MTO1: variants seen among roughly 807,000 people sequenced by gnomAD.
The protein encoded by MTO1 is 5-taurinomethyluridine-[tRNA] synthase subunit MTO1, mitochondrial.
MTO1 carries 46 observed loss-of-function variants against 71.6 expected under a neutral mutation model. That is an observed-to-expected ratio of 0.64 (90% CI 0.51 to 0.82). The LOEUF is 0.82. Ranked by LOEUF, MTO1 falls within the 40% of genes least tolerant of loss-of-function variation. MTO1 has a pLI of 0.00. For synonymous variants in MTO1, 297 were observed against 312.1 expected (o/e 0.95, Z 0.51); for missense variants, 773 against 867.5 (o/e 0.89, Z 1.37).
intron 3 of MTO1, among the ~76,000 whole-genome samples, chr6:73,467,463 A>C (rs1361471011): frequency 2.0e-5 from 3 of 151,958 alleles, no homozygotes; most frequent in Non-Finnish European, 4.4e-5. Flanking sequence ...AAAATACAAA[A>C]TTAGCCAGGT....
At position 73,476,572 on chromosome 6, in the gene MTO1, G is replaced by A. The variant is rs114271332; in HGVS notation, c.825+2918G>A. On this transcript the variant is annotated intron_variant, in intron 4 of 11. Coordinates refer to ENST00000498286, the MANE Select transcript of MTO1 (RefSeq NM_012123.4). ...CTGTTAATATTTTACCATATTTATC[G>A]CTATAGATATATCAATTTATGTCCA... 8.2e-3 allele frequency among the ~76,000 whole-genome samples: 1,248 copies of A among 151,820 alleles called. 21 individuals are homozygous for A. Among genetic ancestry groups the A allele is most frequent in the African/African-American group, 0.028 (1,176 of 41,394 alleles).
At chr6:73,471,938 T>G (rs1454835000) in intron 3 of MTO1, 1 of 152,358 alleles carries the variant, frequency 6.6e-6, no homozygotes, top group Non-Finnish European at 1.5e-5. Context: ...ATTAAAATTC[T>G]GTACCCATTA....
At chr6:73,473,676 T>A (rs1279127269) in intron 4 of MTO1, 22 bp downstream of exon 4, 1 of 1,573,926 alleles carries the variant, frequency 6.4e-7, no homozygotes, top group African/African-American at 1.4e-5. Context: ...TACGAAAACC[T>A]GGCTTACAGC....
rs545700363 is a variant in MTO1, at chr6:73,468,901, C to A, written c.535+2295C>A. On this transcript the variant is annotated intron_variant, in intron 3 of 11. Coordinates refer to ENST00000498286, the MANE Select transcript of MTO1 (RefSeq NM_012123.4). ...GGTATTATAGGGGTGAGCCACCACACCTGGCCTTCTCCAGATTTTTTAGTT... is the reference window on the plus strand; with the variant it reads ...GGTATTATAGGGGTGAGCCACCACAACTGGCCTTCTCCAGATTTTTTAGTT... Among the ~76,000 whole-genome samples the A allele has an allele frequency of 5.3e-5, 8 of 152,186 alleles. No individual in the cohort carries two copies. The South Asian group carries it at 1.7e-3, about 32-fold the overall frequency.
At position 73,504,378 on chromosome 6, in the gene MTO1, T is replaced by C. The variant is rs1464709049; in HGVS notation, c.*3643T>C. The C allele has an allele frequency of 6.6e-6, 1 of 152,162 alleles. No individual in the cohort carries two copies. The highest frequency in any genetic ancestry group is 2.4e-5 in the African/African-American group (1 of 41,426). 9.4% of individuals were successfully genotyped at this position (152,162 alleles called of 1,614,324 possible). A position where few individuals can be genotyped will look rare whatever the true frequency, so the allele number is the denominator to read the frequency against. ...AGTCCTGGGCTCAATTAATCCTCCC[T>C]CTTCAGCCTCCTGTGTAGGTGATAG... On this transcript the variant is annotated 3_prime_UTR_variant, in exon 12 of 12. Transcript: ENST00000498286.
intron 4 of MTO1, among the ~76,000 whole-genome samples, chr6:73,476,752 T>A (rs187030638): frequency 6.6e-6 from 1 of 152,096 alleles, no homozygotes; most frequent in Admixed American, 6.6e-5. Context: ...TATGCAATGA[T>A]GAAATTCAGA....
At chr6:73,475,649 G>T (rs1204059792) in intron 4 of MTO1, among the ~76,000 whole-genome samples, 1 of 152,000 alleles carries the variant, frequency 6.6e-6, no homozygotes, top group African/African-American at 2.4e-5. Flanking sequence ...TAAGTAGCTG[G>T]GATTACAGGC....
Position 73,500,783 on chromosome 6 carries a change from A to T in MTO1, c.*48A>T. On this transcript the variant is annotated 3_prime_UTR_variant, in exon 12 of 12. Coordinates refer to ENST00000498286, the MANE Select transcript of MTO1 (RefSeq NM_012123.4). ...TAAAGAGCATATAAATAATTTGATC[A>T]ATACAACAGTATAGATAAAAGAATT... 1 of 1,405,666 alleles carries T rather than the reference A, an allele frequency of 7.1e-7. No homozygotes were observed. Among genetic ancestry groups the T allele is most frequent in the Non-Finnish European group, 9.6e-7 (1 of 1,045,838 alleles). 87.1% of individuals were successfully genotyped at this position (1,405,666 alleles called of 1,614,324 possible).
chr6:73,486,391 C>T (rs560861079), intron 9 of MTO1, among the ~76,000 whole-genome samples: 8 of 152,188 alleles, frequency 5.3e-5, no homozygotes, highest in African/African-American at 1.9e-4. Flanking sequence ...TCTCTCCTTC[C>T]CCCAGCCCCT....
At position 73,473,277 on chromosome 6, in the gene MTO1, C is replaced by CAGATAGATAGAT. The variant is rs138624045; in HGVS notation, c.536-74_536-63dup. ...CTGGCGATAGAGTGAGACTTCATCT[C>CAGATAGATAGAT]AGATAGATAGATAGATAGATAGATA... On this transcript the variant is annotated intron_variant, in intron 3 of 11. Transcript: ENST00000498286. 3.4e-5 allele frequency: 43 copies of CAGATAGATAGAT among 1,282,564 alleles called. No homozygotes were observed. The East Asian group carries it at 3.6e-4, about 11-fold the overall frequency. The allele number at this position is 1,282,564 out of a possible 1,614,324, so 79.4% of individuals were successfully genotyped here. A position where few individuals can be genotyped will look rare whatever the true frequency, so the allele number is the denominator to read the frequency against.
Position 73,492,355 on chromosome 6 carries a change from A to G in MTO1, c.1756+3A>G. 1 of 1,584,178 alleles carries G rather than the reference A, an allele frequency of 6.3e-7. No homozygotes were observed. The highest frequency in any genetic ancestry group is 8.7e-7 in the Non-Finnish European group (1 of 1,153,216). ...GGCTGAAAGACTGAAAATAGAAGGT[A>G]GAAAATAATTTTTGACTTAACATAC... On this transcript the variant is annotated splice_donor_region_variant and intron_variant, in intron 10 of 11. Transcript: ENST00000498286.
At chr6:73,496,467 CT>C (rs893419929) in intron 10 of MTO1, among the ~76,000 whole-genome samples, 70 of 146,094 alleles carry the variant, frequency 4.8e-4, no homozygotes, top group Non-Finnish European at 3.2e-4. Context: ...AAACCATTTT[CT>C]TTTTTTTTTC....
intron 3 of MTO1, among the ~76,000 whole-genome samples, chr6:73,470,881 A>T (rs147800636): frequency 0.016 from 2,473 of 152,196 alleles, 62 homozygotes; most frequent in African/African-American, 0.05. Flanking sequence ...TGAACCTGGG[A>T]GATGGAGGTT....
intron 4 of MTO1, among the ~76,000 whole-genome samples, chr6:73,479,443 T>C (rs571965866): frequency 1.3e-5 from 2 of 152,062 alleles, no homozygotes; most frequent in Non-Finnish European, 2.9e-5. Flanking sequence ...TGGAGTGAGC[T>C]GAGATCACGC....
At chr6:73,471,153 C>CT (rs1300001816) in intron 3 of MTO1, among the ~76,000 whole-genome samples, 6 of 146,826 alleles carry the variant, frequency 4.1e-5, no homozygotes, top group African/African-American at 1.0e-4. Flanking sequence ...TCCTCTGTAC[C>CT]TTTTTTTAAA....
rs906007463 is a variant in MTO1, at chr6:73,507,253, C to G, written c.*6518C>G. ...GCCAAAGTGGGAGGATCACTTGAGCCCAGGAGTTCAAGGCTGCAGTGAGCT... is the reference window on the plus strand; with the variant it reads ...GCCAAAGTGGGAGGATCACTTGAGCGCAGGAGTTCAAGGCTGCAGTGAGCT... On this transcript the variant is annotated 3_prime_UTR_variant, in exon 12 of 12. Transcript: ENST00000498286. The G allele has an allele frequency of 6.6e-6, 1 of 152,128 alleles. No homozygotes were observed. Among genetic ancestry groups the G allele is most frequent in the Non-Finnish European group, 1.5e-5 (1 of 68,092 alleles). 9.4% of individuals were successfully genotyped at this position (152,128 alleles called of 1,614,324 possible).
chr6:73,478,897 T>G (rs1373719722), intron 4 of MTO1, among the ~76,000 whole-genome samples: 1 of 150,776 alleles, frequency 6.6e-6, no homozygotes, highest in Non-Finnish European at 1.5e-5. Context: ...TTTTTCTTTT[T>G]TTTTTTTTTG....
Position 73,501,852 on chromosome 6 carries a change from G to A in MTO1, c.*1117G>A, listed in dbSNP as rs1772169810. 6.6e-6 allele frequency: 1 copy of A among 152,188 alleles called. No individual in the cohort carries two copies. Among genetic ancestry groups the A allele is most frequent in the East Asian group, 1.9e-4 (1 of 5,202 alleles). 9.4% of individuals were successfully genotyped at this position (152,188 alleles called of 1,614,324 possible). ...AGTCACTTTGGCTACAGATGTGTAT[G>A]TTAAGCCTGATTATGGGTGTGAGGC... On this transcript the variant is annotated 3_prime_UTR_variant, in exon 12 of 12. Transcript: ENST00000498286.
In MTO1 at chr6:73,502,070, G is replaced by C. The variant is rs552381349; in HGVS notation, c.*1335G>C. On this transcript the variant is annotated 3_prime_UTR_variant, in exon 12 of 12. Coordinates refer to ENST00000498286, the MANE Select transcript of MTO1 (RefSeq NM_012123.4). ...CTTGATTCAGTGATTTCAAAAGGTC[G>C]TAACTTTTAGTCATAGCTACTCCTG... 6.6e-6 allele frequency: 1 copy of C among 152,278 alleles called. No homozygotes were observed. The highest frequency in any genetic ancestry group is 2.1e-4 in the South Asian group (1 of 4,830). The allele number at this position is 152,278 out of a possible 1,614,324, so 9.4% of individuals were successfully genotyped here.
Sources: gnomAD v4.1 joint callset for allele counts (sites outside exome capture counted in the v4.1 genomes callset) on GRCh38, gnomAD v4.1.1 for gene constraint, MANE v1.5 for transcripts, NCBI Gene and HGNC (gene_info 2026-07-23, HGNC 2026-07-21) for gene names.